Variants in TCERG1 observed in about 807,000 individuals in gnomAD.
TCERG1 encodes TATA box binding protein (TBP)-associated factor, RNA polymerase II, S, 150kD.
In TCERG1, 37 loss-of-function variants were observed where a neutral mutation model predicts 144.7. The ratio of observed to expected loss-of-function variants is 0.26; its 90% CI spans 0.20 to 0.34. TCERG1 has a LOEUF of 0.34. Ranked by LOEUF, TCERG1 falls within the 10% of genes least tolerant of loss-of-function variation. TCERG1 has a pLI of 1.00. For synonymous variants in TCERG1, 492 were observed against 458.2 expected, an observed-to-expected ratio of 1.07 and a Z score of -0.94; for missense variants, 1,027 against 1,380.7, an observed-to-expected ratio of 0.74 and a Z score of 4.06.
chr5:146,451,685 T>G (rs1762360847), intron 1 of TCERG1, among the ~76,000 whole-genome samples: 1 of 151,010 alleles, frequency 6.6e-6, no homozygotes, highest in Admixed American at 6.6e-5. Flanking sequence ...ATTTGCAAAT[T>G]TGATTAAATA....
At chr5:146,500,678 A>G (rs1011884595) in intron 17 of TCERG1, among the ~76,000 whole-genome samples, 1 of 152,200 alleles carries the variant, frequency 6.6e-6, no homozygotes, top group Non-Finnish European at 1.5e-5. Context: ...CATCATTTTC[A>G]TGTAGTTTTT....
chr5:146,485,850 A>G (rs1359315441), intron 15 of TCERG1, among the ~76,000 whole-genome samples: 2 of 152,086 alleles, frequency 1.3e-5, no homozygotes, highest in East Asian at 1.9e-4. Flanking sequence ...GTGCACCACC[A>G]TGCCCGGCTA....
intron 1 of TCERG1, among the ~76,000 whole-genome samples, chr5:146,453,664 G>A (rs913199018): frequency 1.3e-5 from 2 of 152,022 alleles, no homozygotes; most frequent in African/African-American, 2.4e-5. Flanking sequence ...TTGGCCGAGC[G>A]TGGTGGCTCA....
chr5:146,488,822 C>T (rs1243007490), intron 15 of TCERG1, among the ~76,000 whole-genome samples: 1 of 152,080 alleles, frequency 6.6e-6, no homozygotes, highest in Non-Finnish European at 1.5e-5. Flanking sequence ...CAGAATCAAC[C>T]TAGGTGTCCA....
At position 146,459,471 on chromosome 5, in the gene TCERG1, AC is replaced by A. The variant is rs1160442481; in HGVS notation, c.892+135del. ...GAATTATTTAAAATACATTTTTGACACTAAAACTTTTGGGTTAGAGGAAAAC... is the reference window on the plus strand; with the variant it reads ...GAATTATTTAAAATACATTTTTGACATAAAACTTTTGGGTTAGAGGAAAAC... On this transcript the variant is annotated intron_variant, in intron 4 of 22. Transcript: ENST00000679501. The A allele has an allele frequency of 9.6e-6, 14 of 1,456,538 alleles. No homozygotes were observed. In the African/African-American group the frequency reaches 2.0e-4, roughly 21 times the overall value. The allele number at this position is 1,456,538 out of a possible 1,614,324, so 90.2% of individuals were successfully genotyped here. A position where few individuals can be genotyped will look rare whatever the true frequency, so the allele number is the denominator to read the frequency against.
chr5:146,496,831 A>G (rs1766947630), intron 16 of TCERG1, among the ~76,000 whole-genome samples: 1 of 144,656 alleles, frequency 6.9e-6, no homozygotes, highest in Admixed American at 6.9e-5. Flanking sequence ...TGCCCAACCA[A>G]TTTTTAAATT....
At chr5:146,466,931 G>T (rs568437956) in intron 5 of TCERG1, among the ~76,000 whole-genome samples, 1 of 152,320 alleles carries the variant, frequency 6.6e-6, no homozygotes, top group East Asian at 1.9e-4. Context: ...GCTGAGTTTA[G>T]TAGGTTCAGT....
chr5:146,472,568 G>A (rs898041401), intron 9 of TCERG1, among the ~76,000 whole-genome samples: 3 of 152,114 alleles, frequency 2.0e-5, no homozygotes, highest in South Asian at 2.1e-4. Context: ...CCGACCGGCT[G>A]TTCCCCATCT....
chr5:146,459,474 A>G lies in TCERG1; in HGVS notation c.892+137A>G, dbSNP rs181722269. The stretch of plus-strand genomic sequence containing the variant: ...TTATTTAAAATACATTTTTGACACT[A>G]AAACTTTTGGGTTAGAGGAAAACAG... On this transcript the variant is annotated intron_variant, in intron 4 of 22. Coordinates refer to ENST00000679501, the MANE Select transcript of TCERG1 (RefSeq NM_001382548.1). 5.3e-3 allele frequency: 7,751 copies of G among 1,450,630 alleles called. 28 individuals are homozygous for G. Among genetic ancestry groups the G allele is most frequent in the Non-Finnish European group, 6.7e-3 (7,318 of 1,088,344 alleles). The allele number at this position is 1,450,630 out of a possible 1,614,324, so 89.9% of individuals were successfully genotyped here.
At chr5:146,501,405 AAAGTTT>A (rs1259802528) in intron 17 of TCERG1, among the ~76,000 whole-genome samples, 3 of 152,240 alleles carry the variant, frequency 2.0e-5, no homozygotes, top group Non-Finnish European at 4.4e-5. Context: ...AAAGGAAGTT[AAAGTTT>A]AATTTTATTT....
chr5:146,497,902 A>G (rs1166790063), intron 16 of TCERG1, among the ~76,000 whole-genome samples: 5 of 152,164 alleles, frequency 3.3e-5, no homozygotes, highest in Non-Finnish European at 7.4e-5. Flanking sequence ...CTGTTACACA[A>G]CTTGGCCTTA....
chr5:146,484,419 A>G (rs769976531), intron 15 of TCERG1, among the ~76,000 whole-genome samples: 1 of 152,184 alleles, frequency 6.6e-6, no homozygotes, highest in Non-Finnish European at 1.5e-5. Context: ...CACTTGCTAT[A>G]GTGCTGTTAA....
intron 16 of TCERG1, 90 bp downstream of exon 16, chr5:146,493,128 C>T: frequency 4.1e-6 from 4 of 964,752 alleles, no homozygotes; most frequent in Middle Eastern, 3.4e-4. Context: ...TATTTTTTGA[C>T]TATTTGGGCA....
intron 5 of TCERG1, among the ~76,000 whole-genome samples, chr5:146,466,415 G>A (rs1763795216): frequency 6.6e-6 from 1 of 152,138 alleles, no homozygotes; most frequent in Non-Finnish European, 1.5e-5. Flanking sequence ...AGGGGGTGGA[G>A]TTTGGATAAA....
At chr5:146,465,785 A>G (rs1322963891) in intron 5 of TCERG1, among the ~76,000 whole-genome samples, 3 of 152,172 alleles carry the variant, frequency 2.0e-5, no homozygotes, top group Non-Finnish European at 1.5e-5. Context: ...TAATCCCAGC[A>G]CTTTGGGAGG....
intron 9 of TCERG1, among the ~76,000 whole-genome samples, chr5:146,473,957 A>G (rs1764588715): frequency 6.6e-6 from 1 of 152,182 alleles, no homozygotes; most frequent in Admixed American, 6.5e-5. Flanking sequence ...TTTGACTTTC[A>G]AGTCTTATTA....
intron 10 of TCERG1, among the ~76,000 whole-genome samples, chr5:146,478,858 A>G (rs915379365): frequency 1.8e-4 from 27 of 152,302 alleles, no homozygotes; most frequent in African/African-American, 6.3e-4. Flanking sequence ...TTTGTAAAAT[A>G]TGTGTGTCTT....
At chr5:146,484,298 T>C (rs977784817) in intron 15 of TCERG1, among the ~76,000 whole-genome samples, 2 of 152,156 alleles carry the variant, frequency 1.3e-5, no homozygotes, top group Non-Finnish European at 2.9e-5. Context: ...GTGACACATA[T>C]CATTTCGTGA....
chr5:146,500,522 G>A (rs1767328980), intron 17 of TCERG1, among the ~76,000 whole-genome samples: 1 of 152,150 alleles, frequency 6.6e-6, no homozygotes, highest in African/African-American at 2.4e-5. Context: ...GTAGCATTGT[G>A]ATAGTTGAAT....
Sources: allele counts gnomAD v4.1 joint callset (sites outside exome capture counted in the v4.1 genomes callset), GRCh38; gene constraint gnomAD v4.1.1; transcripts MANE v1.5; gene names NCBI Gene and HGNC (gene_info 2026-07-23, HGNC 2026-07-21).